Variants in MAP2K4 observed in about 807,000 individuals in gnomAD.
The protein encoded by MAP2K4 is dual specificity mitogen-activated protein kinase kinase 4.
A neutral mutation model predicts 48.5 loss-of-function variants in MAP2K4; 4 were observed. The ratio of observed to expected loss-of-function variants is 0.08; its 90% CI spans 0.04 to 0.19. The LOEUF (loss-of-function observed/expected upper bound fraction) is 0.19, where lower values mean the gene tolerates loss of function less well. MAP2K4 is among the 10% of genes least tolerant of loss of function. The pLI is 1.00. For missense variants in MAP2K4, 258 were observed against 493.3 expected, an observed-to-expected ratio of 0.52 and a Z score of 4.52; for synonymous variants, 166 against 173.1, an observed-to-expected ratio of 0.96 and a Z score of 0.32.
intron 1 of MAP2K4, among the ~76,000 whole-genome samples, chr17:12,028,817 A>T (rs918824575): frequency 6.6e-6 from 1 of 152,292 alleles, no homozygotes; most frequent in Non-Finnish European, 1.5e-5. Context: ...TCTGATTTAT[A>T]TTATCAACCT....
intron 1 of MAP2K4, among the ~76,000 whole-genome samples, chr17:12,034,319 G>A (rs1258610119): frequency 6.6e-6 from 1 of 152,198 alleles, no homozygotes; most frequent in Non-Finnish European, 1.5e-5. Context: ...ACATATGGAA[G>A]AATTTAACAA....
intron 2 of MAP2K4, among the ~76,000 whole-genome samples, chr17:12,075,490 T>C (rs1970973224): frequency 6.6e-6 from 1 of 151,856 alleles, no homozygotes; most frequent in South Asian, 2.1e-4. Context: ...AGGACAAGGG[T>C]TGATGGTGTT....
intron 2 of MAP2K4, among the ~76,000 whole-genome samples, chr17:12,080,278 G>C (rs1971148092): frequency 6.6e-6 from 1 of 152,136 alleles, no homozygotes; most frequent in Non-Finnish European, 1.5e-5. Context: ...TGCATCATAG[G>C]ATCAGAGTTT....
chr17:12,135,031 T>C (rs1774104199), intron 9 of MAP2K4, among the ~76,000 whole-genome samples: 1 of 152,128 alleles, frequency 6.6e-6, no homozygotes, highest in Non-Finnish European at 1.5e-5. Flanking sequence ...GCCCCCCGAG[T>C]AGCTGGGACT....
intron 8 of MAP2K4, 96 bp downstream of exon 8, chr17:12,125,467 A>G: frequency 2.1e-6 from 2 of 939,798 alleles, no homozygotes; most frequent in Non-Finnish European, 3.5e-6. Flanking sequence ...TTCGTTAAGA[A>G]CTATAATCAC....
intron 2 of MAP2K4, among the ~76,000 whole-genome samples, chr17:12,071,898 A>G (rs1227551412): frequency 2.6e-5 from 4 of 152,192 alleles, no homozygotes; most frequent in African/African-American, 9.7e-5. Flanking sequence ...TCATATGGGC[A>G]TATTTGTAAA....
In MAP2K4 at chr17:12,081,443, G is replaced by A; in HGVS notation, c.306G>A (p.Leu102=). The A allele has an allele frequency of 6.2e-7, 1 of 1,614,140 alleles. No individual in the cohort carries two copies. Among genetic ancestry groups the A allele is most frequent in the Non-Finnish European group, 8.5e-7 (1 of 1,179,982 alleles). ...EQHWDFTAED[L]KDLGEIGRGA... ...ACTGGGATTTCACTGCAGAGGACTT[G>A]AAAGACCTTGGAGAAATTGGACGAG... The change falls in exon 3 of 11, where the codon TTG becomes TTA. Residue 102 remains leucine (L), a synonymous_variant. Coordinates refer to ENST00000353533, the MANE Select transcript of MAP2K4 (RefSeq NM_003010.4). This position sits in a 1 kb window ranked among gnomAD's most constrained non-coding sequence, Gnocchi z 4.2.
chr17:12,095,431 G>T, intron 3 of MAP2K4, 144 bp from the exon 4 acceptor site: 1 of 830,522 alleles, frequency 1.2e-6, no homozygotes, highest in Non-Finnish European at 2.0e-6. Flanking sequence ...TATAAGGAAA[G>T]ATGATAATTT....
intron 2 of MAP2K4, among the ~76,000 whole-genome samples, chr17:12,061,085 C>T (rs1488679052): frequency 6.6e-6 from 1 of 152,134 alleles, no homozygotes; most frequent in East Asian, 1.9e-4. Flanking sequence ...TATTTTGTGT[C>T]TAGCTTATCT....
intron 4 of MAP2K4, among the ~76,000 whole-genome samples, chr17:12,097,025 G>A (rs909830484): frequency 6.6e-6 from 1 of 152,012 alleles, no homozygotes; most frequent in Non-Finnish European, 1.5e-5. Context: ...CGTTACATCA[G>A]TATACAGTCA....
chr17:12,089,641 AG>A (rs1971497502), intron 3 of MAP2K4, among the ~76,000 whole-genome samples: 1 of 152,182 alleles, frequency 6.6e-6, no homozygotes, highest in African/African-American at 2.4e-5. Flanking sequence ...CCTGTGCAGC[AG>A]GGAGATGTAT....
At chr17:12,101,314 T>G (rs1971929164) in intron 4 of MAP2K4, among the ~76,000 whole-genome samples, 1 of 152,072 alleles carries the variant, frequency 6.6e-6, no homozygotes, top group Admixed American at 6.5e-5. Context: ...TCCATACAGA[T>G]GTGTGTCTAT....
At position 12,024,421 on chromosome 17, in the gene MAP2K4, A is replaced by T. The variant is rs181335630; in HGVS notation, c.115+3420A>T. On this transcript the variant is annotated intron_variant, in intron 1 of 10. Transcript: ENST00000353533. ...GGGAATAGCTGCTAATTTTGTTATTACTCAAAAGATTTGAGTGTCTTCACT... is the reference window on the plus strand; with the variant it reads ...GGGAATAGCTGCTAATTTTGTTATTTCTCAAAAGATTTGAGTGTCTTCACT... Among the ~76,000 whole-genome samples, 432 of 152,222 alleles carry T rather than the reference A, an allele frequency of 2.8e-3. 4 individuals carry two copies. The highest frequency in any genetic ancestry group is 4.6e-3 in the Admixed American group (71 of 15,294).
chr17:12,069,633 T>C, intron 2 of MAP2K4: 1 of 894,062 alleles, frequency 1.1e-6, no homozygotes, highest in South Asian at 4.6e-5. Context: ...ATTTCATTTT[T>C]CAGTTTTTCC....
At chr17:12,116,267 G>A (rs1311272187) in intron 7 of MAP2K4, among the ~76,000 whole-genome samples, 1 of 152,098 alleles carries the variant, frequency 6.6e-6, no homozygotes, top group Non-Finnish European at 1.5e-5. Flanking sequence ...ATAAAGAATG[G>A]TTCACTGGTA....
chr17:12,131,341 G>C (rs1973017505), intron 9 of MAP2K4, among the ~76,000 whole-genome samples: 1 of 151,328 alleles, frequency 6.6e-6, no homozygotes, highest in Non-Finnish European at 1.5e-5. Context: ...CACCTCCCGG[G>C]TTCAAACGAT....
intron 2 of MAP2K4, among the ~76,000 whole-genome samples, chr17:12,071,545 G>A (rs1034505214): frequency 6.6e-6 from 1 of 151,982 alleles, no homozygotes; most frequent in African/African-American, 2.4e-5. Context: ...GCTTCATATC[G>A]TTCTCTTCTT....
intron 2 of MAP2K4, among the ~76,000 whole-genome samples, chr17:12,078,443 C>T (rs1262188655): frequency 2.0e-5 from 3 of 152,126 alleles, no homozygotes; most frequent in Non-Finnish European, 4.4e-5. Flanking sequence ...TTGATATGGG[C>T]ATGCAATGTG....
At chr17:12,059,658 A>G (rs1970389595) in intron 2 of MAP2K4, among the ~76,000 whole-genome samples, 1 of 152,212 alleles carries the variant, frequency 6.6e-6, no homozygotes, top group African/African-American at 2.4e-5. Context: ...GAGGATCTCT[A>G]GGATTTCCCT....
Sources: allele counts gnomAD v4.1 joint callset (sites outside exome capture counted in the v4.1 genomes callset), GRCh38; gene constraint gnomAD v4.1.1; non-coding constraint Gnocchi (gnomAD v3.1); transcripts MANE v1.5; gene names NCBI Gene and HGNC (gene_info 2026-07-23, HGNC 2026-07-21).